Variants in TRIP6 observed in about 807,000 individuals in gnomAD.
TRIP6 encodes the protein thyroid hormone receptor interactor 6, also known as thyroid receptor-interacting protein 6.
Under a neutral mutation model 51.9 loss-of-function variants are expected in TRIP6, and 33 were observed. That is an observed-to-expected ratio of 0.64 (90% confidence interval 0.48 to 0.85). The LOEUF is 0.85. Among genes scored for constraint, TRIP6 ranks in the 40% least tolerant of loss-of-function variants. The pLI, the probability that TRIP6 is intolerant of heterozygous loss-of-function variation, is 0.00. For missense variants in TRIP6, 661 were observed against 652.1 expected, an observed-to-expected ratio of 1.01 and a Z score of -0.15; for synonymous variants, 255 against 275.8, an observed-to-expected ratio of 0.92 and a Z score of 0.75.
At position 100,867,913 on chromosome 7, in the gene TRIP6, T is replaced by G; in HGVS notation, c.162T>G (p.Cys54Trp). 1 of 1,524,022 alleles carries G rather than the reference T, an allele frequency of 6.6e-7. No individual in the cohort carries two copies. The highest frequency in any genetic ancestry group is 8.8e-7 in the Non-Finnish European group (1 of 1,142,564). The allele number at this position is 1,524,022 out of a possible 1,614,324, so 94.4% of individuals were successfully genotyped here. ...VNFCPLPSEQ[C>W]YQAPGGPEDR... is the part of the protein sequence containing the mutation. ...TTTGCCCCCTTCCATCTGAGCAGTG[T>G]TACCAGGCCCCAGGGGGACCGGAGG... Residue 54 changes from cysteine (C) to tryptophan (W), a missense_variant, in exon 2 of 9, where the codon TGT becomes TGG. Cys to Trp is a radical substitution (Grantham distance 215). Coordinates refer to ENST00000200457, the MANE Select transcript of TRIP6 (RefSeq NM_003302.3). The surrounding 1 kb of genome is among the most constrained non-coding windows in gnomAD (Gnocchi z 5.4).
At chr7:100,871,047 T>C (rs1399856413) in intron 6 of TRIP6, 2 of 567,918 alleles carry the variant, frequency 3.5e-6, no homozygotes, top group Non-Finnish European at 6.6e-6. Flanking sequence ...GTTTTTTGTT[T>C]TTTTTTGAGA....
intron 4 of TRIP6, among the ~76,000 whole-genome samples, chr7:100,869,887 TATA>T (rs1189212630): frequency 6.6e-6 from 1 of 151,422 alleles, no homozygotes; most frequent in Non-Finnish European, 1.5e-5. Context: ...TTATTTCTGT[TATA>T]ATAATAATAG....
In TRIP6 at chr7:100,873,244, A is replaced by C. The variant is rs1330613836; in HGVS notation, c.1372A>C (p.Lys458Gln). 6.2e-7 allele frequency: 1 copy of C among 1,613,766 alleles called. No individual in the cohort carries two copies. Among genetic ancestry groups the C allele is most frequent in the Non-Finnish European group, 8.5e-7 (1 of 1,179,764 alleles). ...CYPLDGHILCKACSAWRIQEL... is the reference protein window; with the variant it reads ...CYPLDGHILCQACSAWRIQEL... ...CCCGCTGGATGGGCACATCTTGTGCAAGGCCTGCAGCGCCTGGCGCATCCA... is the reference window on the plus strand; with the variant it reads ...CCCGCTGGATGGGCACATCTTGTGCCAGGCCTGCAGCGCCTGGCGCATCCA... Residue 458 changes from lysine (K) to glutamine (Q), a missense_variant, in exon 9 of 9, where the codon AAG (lysine) becomes CAG (glutamine). Physicochemically the swap from Lys to Gln is moderately conservative, Grantham distance 53 (BLOSUM62 1). Coordinates refer to ENST00000200457, the MANE Select transcript of TRIP6 (RefSeq NM_003302.3).
At chr7:100,871,045 T>A in intron 6 of TRIP6, 1 of 554,554 alleles carries the variant, frequency 1.8e-6, no homozygotes, top group Non-Finnish European at 3.4e-6. Context: ...TTGTTTTTTG[T>A]TTTTTTTTGA....
In TRIP6 at chr7:100,867,814, T is replaced by C. The variant is rs1292026483; in HGVS notation, c.110-47T>C. The C allele has an allele frequency of 1.3e-6, 2 of 1,531,100 alleles. No homozygotes were observed. Among genetic ancestry groups the C allele is most frequent in the East Asian group, 2.4e-5 (1 of 42,500 alleles). 94.8% of individuals were successfully genotyped at this position (1,531,100 alleles called of 1,614,324 possible). A position where few individuals can be genotyped will look rare whatever the true frequency, so the allele number is the denominator to read the frequency against. Reference sequence around the variant, plus strand: ...GGGTGGCTCCTCAAATATACACCCCTCCTGTCCTCCGCCACCCCACCTTTG... The same window carrying C: ...GGGTGGCTCCTCAAATATACACCCCCCCTGTCCTCCGCCACCCCACCTTTG... On this transcript the variant is annotated intron_variant, in intron 1 of 8. Transcript: ENST00000200457. This position sits in a 1 kb window ranked among gnomAD's most constrained non-coding sequence, Gnocchi z 5.4.
Position 100,867,558 on chromosome 7 carries a change from A to G in TRIP6, c.61A>G (p.Arg21Gly). 6.5e-7 allele frequency: 1 copy of G among 1,539,904 alleles called. No individual in the cohort carries two copies. The highest frequency in any genetic ancestry group is 8.7e-7 in the Non-Finnish European group (1 of 1,145,464). The change falls in exon 1 of 9, where the codon AGG becomes GGG. Residue 21 changes from arginine (R) to glycine (G), a missense_variant. Coordinates refer to ENST00000200457, the MANE Select transcript of TRIP6 (RefSeq NM_003302.3). The surrounding 1 kb of genome is among the most constrained non-coding windows in gnomAD (Gnocchi z 5.4). ...QPEPARAPQG[R>G]AIPRGTPGPP... The stretch of plus-strand genomic sequence containing the variant: ...GGAGCCCGCCAGAGCCCCTCAGGGG[A>G]GGGCGATCCCCCGCGGCACCCCGGG...
At chr7:100,870,879 G>A in intron 6 of TRIP6, 136 bp downstream of exon 6, 1 of 1,258,268 alleles carries the variant, frequency 7.9e-7, no homozygotes, top group South Asian at 1.5e-5. Context: ...TGTACAAACA[G>A]GGCGGAATTC....
chr7:100,872,498 C>A, intron 7 of TRIP6, 126 bp from the exon 8 acceptor site: 1 of 1,423,876 alleles, frequency 7.0e-7, no homozygotes, highest in East Asian at 2.4e-5. Flanking sequence ...TCGTCCCTTC[C>A]CCAAGACCTA....
rs773934683 is a variant in TRIP6 at position 100,868,713 on chromosome 7, C to T, written c.582C>T (p.Pro194=). 17 of 1,571,476 alleles carry T rather than the reference C, an allele frequency of 1.1e-5. No individual in the cohort carries two copies. Among genetic ancestry groups the T allele is most frequent in the Non-Finnish European group, 1.5e-5 (17 of 1,160,878 alleles). The change falls in exon 4 of 9, where the codon CCC becomes CCT. Residue 194 remains proline (P), a synonymous_variant. Transcript: ENST00000200457. The stretch of plus-strand genomic sequence containing the variant: ...GGGGAGCCTCTCAGGCCTCTGGGCC[C>T]CTCCCGGGCCCCCACTTTCCTCTCC... ...PRRGASQASG[P]LPGPHFPLPG...
In TRIP6 at chr7:100,872,660, C is replaced by T; in HGVS notation, c.1215C>T (p.Ala405=). The T allele has an allele frequency of 6.2e-7, 1 of 1,614,070 alleles. No homozygotes were observed. The change falls in exon 8 of 9, where the codon GCC becomes GCT. Residue 405 remains alanine (A), a synonymous_variant. Coordinates refer to ENST00000200457, the MANE Select transcript of TRIP6 (RefSeq NM_003302.3). ...FAPRCSVCGG[A]IMPEPGQEET... ...CAAGATGCTCAGTGTGCGGTGGGGC[C>T]ATAATGCCTGAGCCAGGTCAGGAGG... is the stretch of plus-strand genomic sequence containing the variant.
chr7:100,871,760 C>T (rs1815276671), intron 7 of TRIP6, 39 bp downstream of exon 7: 4 of 1,598,634 alleles, frequency 2.5e-6, no homozygotes, highest in East Asian at 2.2e-5. Flanking sequence ...AATGTCTGAC[C>T]TTTCCTGTCT....
intron 2 of TRIP6, 56 bp from the exon 3 acceptor site, chr7:100,868,052 G>C (rs1479125374): frequency 6.4e-7 from 1 of 1,569,160 alleles, no homozygotes; most frequent in Admixed American, 1.9e-5. Flanking sequence ...GAGGGACCCA[G>C]GACAGGAGAA....
Position 100,870,723 on chromosome 7 carries a change from T to C in TRIP6, c.979T>C (p.Tyr327His). The C allele has an allele frequency of 7.4e-6, 12 of 1,613,388 alleles. No individual in the cohort carries two copies. Among genetic ancestry groups the C allele is most frequent in the Non-Finnish European group, 1.0e-5 (12 of 1,179,550 alleles). Residue 327 changes from tyrosine (Y) to histidine (H), a missense_variant, in exon 6 of 9, where the codon TAT (tyrosine) becomes CAT (histidine). Coordinates refer to ENST00000200457, the MANE Select transcript of TRIP6 (RefSeq NM_003302.3). The part of the protein sequence containing the change: ...QHFYAVERRA[Y>H]CEGCYVATLE... ...TTTCTACGCCGTGGAGAGGAGGGCA[T>C]ATTGCGAGGGCTGCTACGTGGTGAG...
Position 100,872,701 on chromosome 7 carries a change from T to G in TRIP6, c.1256T>G (p.Val419Gly). Residue 419 changes from valine to glycine, a missense_variant, in exon 8 of 9, where the codon GTT becomes GGT. Transcript: ENST00000200457. ...EPGQEETVRIVALDRSFHIGC... is the reference protein window; with the variant it reads ...EPGQEETVRIGALDRSFHIGC... Reference sequence around the variant, plus strand: ...GGTCAGGAGGAGACTGTGAGAATTGTTGCTCTGGATCGAAGTTTTCACATT... The same window carrying G: ...GGTCAGGAGGAGACTGTGAGAATTGGTGCTCTGGATCGAAGTTTTCACATT... 1 of 1,614,136 alleles carries G rather than the reference T, an allele frequency of 6.2e-7. No homozygotes were observed. The highest frequency in any genetic ancestry group is 1.1e-5 in the South Asian group (1 of 91,088).
chr7:100,868,241 TGCCCCTCCTCC>T lies in TRIP6; in HGVS notation c.363+9_363+19del. ...CGGCGACCAGACCGACAGGTGACTCTGCCCCTCCTCCCCGTCAGCACCCTGCCCCCTTCTCT... is the reference window on the plus strand; with the variant it reads ...CGGCGACCAGACCGACAGGTGACTCTCCGTCAGCACCCTGCCCCCTTCTCT... On this transcript the variant is annotated intron_variant, in intron 3 of 8. Coordinates refer to ENST00000200457, the MANE Select transcript of TRIP6 (RefSeq NM_003302.3). 3.7e-6 allele frequency: 6 copies of T among 1,605,944 alleles called. No homozygotes were observed. Among genetic ancestry groups the T allele is most frequent in the Non-Finnish European group, 5.1e-6 (6 of 1,176,054 alleles).
At position 100,871,025 on chromosome 7, in the gene TRIP6, A is replaced by G. The variant is rs1055557277; in HGVS notation, c.999+282A>G. ...CCCTGTGAGGCAGGTATTACTACTG[A>G]TTCCTGGTTTTGTTTTTTGTTTTTT... is the stretch of plus-strand genomic sequence containing the variant. On this transcript the variant is annotated intron_variant, in intron 6 of 8. Transcript: ENST00000200457. 4 of 622,324 alleles carry G rather than the reference A, an allele frequency of 6.4e-6. No homozygotes were observed. In the African/African-American group the frequency reaches 7.2e-5, roughly 11 times the overall value. 38.6% of individuals were successfully genotyped at this position (622,324 alleles called of 1,614,324 possible).
Position 100,873,252 on chromosome 7 carries a change from C to A in TRIP6, c.1380C>A (p.Cys460Ter). ...PLDGHILCKA[C>*]SAWRIQELSA... ...ATGGGCACATCTTGTGCAAGGCCTG[C>A]AGCGCCTGGCGCATCCAGGAGCTCT... The change falls in exon 9 of 9, where the codon TGC (cysteine) becomes TGA (stop). Residue 460 changes from cysteine (C) to a stop codon, truncating the protein, a stop_gained. Transcript: ENST00000200457. LOFTEE classifies it high-confidence loss of function. 1.9e-6 allele frequency: 3 copies of A among 1,613,442 alleles called. No individual in the cohort carries two copies. Among genetic ancestry groups the A allele is most frequent in the Non-Finnish European group, 2.5e-6 (3 of 1,179,534 alleles).
At chr7:100,869,433 G>T (rs1584718337) in intron 4 of TRIP6, among the ~76,000 whole-genome samples, 1 of 149,294 alleles carries the variant, frequency 6.7e-6, no homozygotes, top group Non-Finnish European at 1.5e-5. Flanking sequence ...ACGAGTTCGA[G>T]ACCACACTGA....
intron 7 of TRIP6, 130 bp downstream of exon 7, chr7:100,871,851 TTA>T (rs1177024489): frequency 8.1e-7 from 1 of 1,237,436 alleles, no homozygotes; most frequent in Non-Finnish European, 1.1e-6. Context: ...TTGTTATTTT[TTA>T]GAGACGGAGT....
Sources: allele counts gnomAD v4.1 joint callset (sites outside exome capture counted in the v4.1 genomes callset), GRCh38; gene constraint gnomAD v4.1.1; non-coding constraint Gnocchi (gnomAD v3.1); transcripts MANE v1.5; gene names NCBI Gene and HGNC (gene_info 2026-07-23, HGNC 2026-07-21).